Variants in NEK7 observed in about 807,000 individuals in gnomAD.
NEK7 encodes the protein serine/threonine-protein kinase Nek7.
Under a neutral mutation model 44.6 loss-of-function variants are expected in NEK7, and 18 were observed. The observed-to-expected ratio is 0.40, with a 90% CI of 0.28 to 0.60. The LOEUF (loss-of-function observed/expected upper bound fraction) is 0.60. Ranked by LOEUF, NEK7 falls within the 20% of genes least tolerant of loss-of-function variation. NEK7 has a pLI of 0.38. For missense variants in NEK7, 256 were observed against 366.5 expected (o/e 0.70, Z 2.46); for synonymous variants, 130 against 121.1 (o/e 1.07, Z -0.48).
At chr1:198,210,073 C>T (rs1349443319) in intron 1 of NEK7, among the ~76,000 whole-genome samples, 2 of 152,140 alleles carry the variant, frequency 1.3e-5, no homozygotes, top group African/African-American at 4.8e-5. Context: ...GCTAGGATTA[C>T]AGGTGTGAAC....
intron 2 of NEK7, among the ~76,000 whole-genome samples, chr1:198,247,204 T>C (rs992849286): frequency 1.3e-5 from 2 of 152,216 alleles, no homozygotes; most frequent in African/African-American, 4.8e-5. Flanking sequence ...TCATTCTATG[T>C]TTCTTATTGT....
chr1:198,305,934 C>T (rs1248083923), intron 9 of NEK7, among the ~76,000 whole-genome samples: 3 of 152,034 alleles, frequency 2.0e-5, no homozygotes, highest in Non-Finnish European at 2.9e-5. Context: ...CAGAGGTGGC[C>T]GTGAGGGACC....
chr1:198,242,486 T>C (rs1402591967), intron 2 of NEK7, among the ~76,000 whole-genome samples: 4 of 150,416 alleles, frequency 2.7e-5, no homozygotes, highest in Non-Finnish European at 5.9e-5. Flanking sequence ...TTTTTTTTTT[T>C]TTTTGAGACA....
intron 9 of NEK7, among the ~76,000 whole-genome samples, chr1:198,314,666 C>T (rs1655293991): frequency 6.6e-6 from 1 of 152,114 alleles, no homozygotes; most frequent in African/African-American, 2.4e-5. Context: ...GGACCCTCAG[C>T]TGCAAGTCTG....
At chr1:198,268,417 C>G (rs999414870) in intron 5 of NEK7, among the ~76,000 whole-genome samples, 2 of 151,978 alleles carry the variant, frequency 1.3e-5, no homozygotes, top group African/African-American at 2.4e-5. Flanking sequence ...CTTACCTCTT[C>G]TTTTCAATCT....
intron 9 of NEK7, among the ~76,000 whole-genome samples, chr1:198,299,099 A>G (rs1449814409): frequency 6.6e-6 from 1 of 152,224 alleles, no homozygotes; most frequent in African/African-American, 2.4e-5. Flanking sequence ...AAAACACATT[A>G]TATGGTGTAC....
intron 1 of NEK7, among the ~76,000 whole-genome samples, chr1:198,220,536 A>G (rs1666052645): frequency 6.6e-6 from 1 of 152,150 alleles, no homozygotes; most frequent in African/African-American, 2.4e-5. Flanking sequence ...CAGAAATGTT[A>G]AGAATGAACT....
chr1:198,248,025 C>G (rs1229926299), intron 2 of NEK7, among the ~76,000 whole-genome samples: 1 of 152,012 alleles, frequency 6.6e-6, no homozygotes, highest in Non-Finnish European at 1.5e-5. Context: ...AGAGGGTGCA[C>G]TAGCCTGGCC....
intron 1 of NEK7, among the ~76,000 whole-genome samples, chr1:198,188,200 A>G (rs1217999985): frequency 6.6e-6 from 1 of 152,196 alleles, no homozygotes; most frequent in East Asian, 1.9e-4. Flanking sequence ...TGTTTTGTTT[A>G]GGTGAGAACC....
At chr1:198,165,386 A>T (rs368545688) in intron 1 of NEK7, among the ~76,000 whole-genome samples, 1 of 152,356 alleles carries the variant, frequency 6.6e-6, no homozygotes, top group Admixed American at 6.5e-5. Flanking sequence ...TCGTATTCTT[A>T]GATAAGAAGA....
At chr1:198,284,218 G>C (rs1363543825) in intron 7 of NEK7, among the ~76,000 whole-genome samples, 1 of 152,138 alleles carries the variant, frequency 6.6e-6, no homozygotes, top group African/African-American at 2.4e-5. Flanking sequence ...ATAGTGAATA[G>C]GTCTGTGGCT....
At chr1:198,242,149 A>G (rs964904499) in intron 2 of NEK7, among the ~76,000 whole-genome samples, 1 of 151,886 alleles carries the variant, frequency 6.6e-6, no homozygotes, top group Non-Finnish European at 1.5e-5. Flanking sequence ...TTCTTATTAC[A>G]TCTACTGTCC....
At chr1:198,217,290 G>A (rs372336792) in intron 1 of NEK7, among the ~76,000 whole-genome samples, 15 of 151,914 alleles carry the variant, frequency 9.9e-5, no homozygotes, top group African/African-American at 1.9e-4. Context: ...GGTTCAACAC[G>A]TGCAAGTCAA....
intron 1 of NEK7, among the ~76,000 whole-genome samples, chr1:198,169,195 CCTT>C (rs1156384613): frequency 6.6e-6 from 1 of 152,234 alleles, no homozygotes; most frequent in East Asian, 1.9e-4. Context: ...AGTAGTAACT[CCTT>C]CATCTACTGG....
chr1:198,294,774 T>TTAAA (rs1463745763), intron 8 of NEK7, among the ~76,000 whole-genome samples: 1 of 152,164 alleles, frequency 6.6e-6, no homozygotes, highest in African/African-American at 2.4e-5. Flanking sequence ...TGATTTTGAG[T>TTAAA]TAAAGTATTA....
intron 7 of NEK7, among the ~76,000 whole-genome samples, chr1:198,280,711 TA>T (rs1654167173): frequency 6.7e-6 from 1 of 149,228 alleles, no homozygotes; most frequent in African/African-American, 2.4e-5. Context: ...TAGGGTCATG[TA>T]ATTATATATA....
At chr1:198,248,725 G>A (rs566591378) in intron 2 of NEK7, among the ~76,000 whole-genome samples, 2 of 152,134 alleles carry the variant, frequency 1.3e-5, no homozygotes, top group East Asian at 3.9e-4. Flanking sequence ...ATGTATTTTT[G>A]TAAGGTCCAT....
chr1:198,306,306 G>T (rs1460190544), intron 9 of NEK7, among the ~76,000 whole-genome samples: 1 of 152,078 alleles, frequency 6.6e-6, no homozygotes, highest in African/African-American at 2.4e-5. Context: ...ATGTTCAGGG[G>T]ACTATATTTT....
Position 198,216,194 on chromosome 1 carries a change from C to T in NEK7, c.-28-16359C>T, listed in dbSNP as rs190860141. On this transcript the variant is annotated intron_variant, in intron 1 of 9. Coordinates refer to ENST00000367385, the MANE Select transcript of NEK7 (RefSeq NM_133494.3). Reference sequence around the variant, plus strand: ...CCATATGATAGGCCACAAAATGAGTCTCAATAAATTTATAAAAATAGAAAT... The same window carrying T: ...CCATATGATAGGCCACAAAATGAGTTTCAATAAATTTATAAAAATAGAAAT... Among the ~76,000 whole-genome samples the T allele has an allele frequency of 3.8e-3, 579 of 152,120 alleles. 3 individuals are homozygous for T. Among genetic ancestry groups the T allele is most frequent in the African/African-American group, 9.7e-3 (402 of 41,514 alleles).
Sources: gnomAD v4.1 joint callset for allele counts (sites outside exome capture counted in the v4.1 genomes callset) on GRCh38, gnomAD v4.1.1 for gene constraint, MANE v1.5 for transcripts, NCBI Gene and HGNC (gene_info 2026-07-23, HGNC 2026-07-21) for gene names.